RASA2: variants seen among roughly 807,000 people sequenced by gnomAD.
RASA2 encodes the protein ras GTPase-activating protein 2.
In RASA2, 155 loss-of-function variants were observed where a neutral mutation model predicts 118.2. That is an observed-to-expected ratio of 1.31 (90% confidence interval 1.15 to 1.50). The LOEUF (loss-of-function observed/expected upper bound fraction) is 1.50, where lower values mean the gene tolerates loss of function less well. Ranked by LOEUF, RASA2 falls within the 40% of genes most tolerant of loss-of-function variation. RASA2 has a pLI of 0.00. For synonymous variants in RASA2, 353 were observed against 349.1 expected (o/e 1.01, Z -0.12); for missense variants, 1,016 against 1,009.6 (o/e 1.01, Z -0.09).
intron 1 of RASA2, among the ~76,000 whole-genome samples, chr3:141,500,006 A>G (rs569788857): frequency 7.2e-4 from 109 of 152,304 alleles, no homozygotes; most frequent in African/African-American, 2.6e-3. Flanking sequence ...GAGTTATCTC[A>G]CCATGTTAAT....
chr3:141,520,265 C>A (rs1413906077), intron 3 of RASA2, among the ~76,000 whole-genome samples: 3 of 152,010 alleles, frequency 2.0e-5, no homozygotes. Context: ...CCTGCCTTGG[C>A]CTCCCAAAGT....
intron 15 of RASA2, among the ~76,000 whole-genome samples, chr3:141,578,217 C>A (rs2083043970): frequency 6.6e-6 from 1 of 152,190 alleles, no homozygotes; most frequent in South Asian, 2.1e-4. Context: ...ACACAACTGA[C>A]AAATTATGAT....
chr3:141,589,106 T>C (rs1449979908), intron 19 of RASA2, among the ~76,000 whole-genome samples: 2 of 152,202 alleles, frequency 1.3e-5, no homozygotes, highest in African/African-American at 4.8e-5. Context: ...CCTAAAGTGC[T>C]GAGATTACAG....
intron 3 of RASA2, among the ~76,000 whole-genome samples, chr3:141,526,508 A>T (rs151013313): frequency 6.6e-6 from 1 of 151,338 alleles, no homozygotes; most frequent in Non-Finnish European, 1.5e-5. Context: ...CTGATGATGT[A>T]TATTTCTTTT....
Position 141,579,834 on chromosome 3 carries a change from T to A in RASA2, c.1591-534T>A, listed in dbSNP as rs148024016. ...ACTTCGGGAGGCCAAGGCAGGCAGA[T>A]CACCTGAGGTCAAGAGTTCGAGACC... On this transcript the variant is annotated intron_variant, in intron 15 of 23. Transcript: ENST00000286364. Among the ~76,000 whole-genome samples the A allele has an allele frequency of 5.1e-3, 775 of 151,712 alleles. 8 individuals are homozygous for A. Among genetic ancestry groups the A allele is most frequent in the African/African-American group, 0.018 (742 of 41,390 alleles).
chr3:141,488,977 C>T (rs2081609348), intron 1 of RASA2, among the ~76,000 whole-genome samples: 1 of 152,144 alleles, frequency 6.6e-6, no homozygotes, highest in Non-Finnish European at 1.5e-5. Context: ...CTTTTGTCTG[C>T]CCCATGCCAA....
rs544879492 is a variant in RASA2 at position 141,503,477 on chromosome 3, T to TA, written c.134-8684dup. Among the ~76,000 whole-genome samples the TA allele has an allele frequency of 2.8e-3, 427 of 152,360 alleles. 2 individuals carry two copies. The highest frequency in any genetic ancestry group is 1.0e-2 in the African/African-American group (414 of 41,588). On this transcript the variant is annotated intron_variant, in intron 1 of 23. Coordinates refer to ENST00000286364, the MANE Select transcript of RASA2 (RefSeq NM_006506.5). ...GCTGTTTTTCCATTTCTGTTAATCT[T>TA]AACAGTTTTGATTTGATGGTGTTTA...
At chr3:141,526,335 C>CT (rs572466426) in intron 3 of RASA2, among the ~76,000 whole-genome samples, 19 of 147,748 alleles carry the variant, frequency 1.3e-4, no homozygotes, top group African/African-American at 3.5e-4. Flanking sequence ...AATCGTGAGG[C>CT]TTTTTTTTTT....
At chr3:141,545,799 T>C (rs779395124) in intron 5 of RASA2, among the ~76,000 whole-genome samples, 15 of 152,112 alleles carry the variant, frequency 9.9e-5, no homozygotes, top group Non-Finnish European at 2.1e-4. Flanking sequence ...GTAGTCACCT[T>C]CTTATGCTGT....
At chr3:141,507,022 A>G (rs555623658) in intron 1 of RASA2, among the ~76,000 whole-genome samples, 1 of 152,110 alleles carries the variant, frequency 6.6e-6, no homozygotes, top group South Asian at 2.1e-4. Context: ...TCCAAATGCT[A>G]CAGAAGATGA....
At chr3:141,608,253 C>T (rs1374196972) in intron 20 of RASA2, among the ~76,000 whole-genome samples, 1 of 152,074 alleles carries the variant, frequency 6.6e-6, no homozygotes, top group Non-Finnish European at 1.5e-5. Flanking sequence ...TATGATAGTC[C>T]ATTCCTTTGG....
intron 1 of RASA2, among the ~76,000 whole-genome samples, chr3:141,500,315 TA>T (rs2081760902): frequency 6.6e-6 from 1 of 152,242 alleles, no homozygotes; most frequent in African/African-American, 2.4e-5. Context: ...TCATGTGTGA[TA>T]AAGACAGTTC....
At chr3:141,610,212 C>T in intron 23 of RASA2, 146 bp downstream of exon 23, 1 of 548,904 alleles carries the variant, frequency 1.8e-6, no homozygotes, top group Non-Finnish European at 2.9e-6. Context: ...CCTGGCCACT[C>T]CAAGTGCTCT....
At chr3:141,506,659 T>C (rs1413757353) in intron 1 of RASA2, among the ~76,000 whole-genome samples, 1 of 152,128 alleles carries the variant, frequency 6.6e-6, no homozygotes, top group African/African-American at 2.4e-5. Context: ...ACGCCTATAA[T>C]CCCAGCACTT....
intron 1 of RASA2, among the ~76,000 whole-genome samples, chr3:141,488,974 C>T (rs1458277299): frequency 6.6e-6 from 1 of 152,098 alleles, no homozygotes; most frequent in African/African-American, 2.4e-5. Context: ...GTGCTTTTGT[C>T]TGCCCCATGC....
intron 23 of RASA2, among the ~76,000 whole-genome samples, chr3:141,610,617 A>T (rs1284409677): frequency 6.7e-6 from 1 of 150,362 alleles, no homozygotes; most frequent in African/African-American, 2.4e-5. Context: ...CAGCATCTTG[A>T]GTAGCTAGGA....
chr3:141,558,970 C>G lies in RASA2; in HGVS notation c.761+8C>G. ...TGAAAAGCTAGAAATCAGGTATGTGCCTTGGGGTTTTACAGAATTGCTTTT... is the reference window on the plus strand; with the variant it reads ...TGAAAAGCTAGAAATCAGGTATGTGGCTTGGGGTTTTACAGAATTGCTTTT... On this transcript the variant is annotated splice_region_variant and intron_variant, in intron 8 of 23. Transcript: ENST00000286364. The G allele has an allele frequency of 6.3e-7, 1 of 1,585,830 alleles. No individual in the cohort carries two copies. The highest frequency in any genetic ancestry group is 2.3e-5 in the East Asian group (1 of 44,300).
intron 2 of RASA2, among the ~76,000 whole-genome samples, chr3:141,515,048 C>T (rs1313268314): frequency 6.6e-6 from 1 of 151,984 alleles, no homozygotes; most frequent in Non-Finnish European, 1.5e-5. Context: ...TAGCAGTGTC[C>T]TTTATTTTGA....
chr3:141,579,925 A>G (rs907833049), intron 15 of RASA2, among the ~76,000 whole-genome samples: 1 of 151,310 alleles, frequency 6.6e-6, no homozygotes, highest in African/African-American at 2.4e-5. Context: ...GTGTGGTGTC[A>G]GGCACCTGCA....
Sources: allele counts gnomAD v4.1 joint callset (sites outside exome capture counted in the v4.1 genomes callset), GRCh38; gene constraint gnomAD v4.1.1; transcripts MANE v1.5; gene names NCBI Gene and HGNC (gene_info 2026-07-23, HGNC 2026-07-21).